VEPH1: variants seen among roughly 807,000 people sequenced by gnomAD.
VEPH1 encodes the protein ventricular zone expressed PH domain containing 1.
VEPH1 carries 80 observed loss-of-function variants against 85.2 expected under a neutral mutation model. The observed-to-expected ratio is 0.94, with a 90% CI of 0.78 to 1.13. The LOEUF (loss-of-function observed/expected upper bound fraction) is 1.13, where lower values mean the gene tolerates loss of function less well. Among genes scored for constraint, VEPH1 ranks in the 50% most tolerant of loss-of-function variants. VEPH1 has a pLI of 0.00. For missense variants in VEPH1, 955 were observed against 980.5 expected, an observed-to-expected ratio of 0.97 and a Z score of 0.35; for synonymous variants, 297 against 348.0, an observed-to-expected ratio of 0.85 and a Z score of 1.63.
intron 9 of VEPH1, among the ~76,000 whole-genome samples, chr3:157,345,735 G>A (rs1165694679): frequency 2.0e-5 from 3 of 152,190 alleles, no homozygotes; most frequent in Non-Finnish European, 2.9e-5. Context: ...GCACACGTAT[G>A]TTCATTGCGG....
intron 9 of VEPH1, among the ~76,000 whole-genome samples, chr3:157,338,519 A>G (rs187008890): frequency 4.0e-4 from 61 of 152,346 alleles, no homozygotes; most frequent in Non-Finnish European, 1.0e-4. Context: ...TTGGAAATCA[A>G]TTTTCACTAA....
intron 12 of VEPH1, among the ~76,000 whole-genome samples, chr3:157,282,611 C>T (rs1413318380): frequency 6.6e-6 from 1 of 152,136 alleles, no homozygotes; most frequent in Non-Finnish European, 1.5e-5. Context: ...GGTGTAAGAA[C>T]AAAGGCATCT....
intron 11 of VEPH1, among the ~76,000 whole-genome samples, chr3:157,290,676 AG>A (rs1717373716): frequency 6.6e-6 from 1 of 152,238 alleles, no homozygotes; most frequent in Non-Finnish European, 1.5e-5. Context: ...TGTAAAAAAA[AG>A]GATACATATT....
At chr3:157,290,465 G>A (rs372934930) in intron 11 of VEPH1, among the ~76,000 whole-genome samples, 2 of 152,208 alleles carry the variant, frequency 1.3e-5, no homozygotes, top group East Asian at 1.9e-4. Context: ...AATTTGTTAC[G>A]CATTATTGAA....
At position 157,261,277 on chromosome 3, in the gene VEPH1, C is replaced by T. The variant is rs747169090; in HGVS notation, c.2359G>A (p.Ala787Thr). ...TTATTGTCTGTGAAGATTTCGAAAG[C>T]CCGGGGGAGAGAGCGGTCCCTGCGT... ...KKRRDRSLPR[A>T]FEIFTDNKTY... Residue 787 changes from alanine to threonine, a missense_variant, in exon 14 of 14, where the codon GCT becomes ACT. Transcript: ENST00000362010. 1 of 1,613,716 alleles carries T rather than the reference C, an allele frequency of 6.2e-7. No homozygotes were observed. Among genetic ancestry groups the T allele is most frequent in the Non-Finnish European group, 8.5e-7 (1 of 1,179,800 alleles).
At chr3:157,279,827 C>A (rs1250128157) in intron 12 of VEPH1, among the ~76,000 whole-genome samples, 1 of 151,926 alleles carries the variant, frequency 6.6e-6, no homozygotes, top group Non-Finnish European at 1.5e-5. Context: ...ATCATCCTGG[C>A]CAACATGGTG....
At chr3:157,318,624 C>CA (rs1300574382) in intron 9 of VEPH1, among the ~76,000 whole-genome samples, 95 of 50,256 alleles carry the variant, frequency 1.9e-3, no homozygotes, top group South Asian at 0.01. Flanking sequence ...CAAAACAAAA[C>CA]AAAAAAAAAA....
At chr3:157,309,685 A>C (rs62281377) in intron 11 of VEPH1, among the ~76,000 whole-genome samples, 33,838 of 152,000 alleles carry the variant, frequency 0.22, 4,617 homozygotes, top group Admixed American at 0.41. Context: ...TTTTAGCATT[A>C]TATTACATAA....
intron 11 of VEPH1, among the ~76,000 whole-genome samples, chr3:157,308,205 T>C (rs758035485): frequency 2.0e-4 from 31 of 151,948 alleles, no homozygotes; most frequent in Admixed American, 3.9e-4. Context: ...TTAATCCTTA[T>C]ACTTAACTGC....
chr3:157,487,945 A>T (rs1461175358), intron 2 of VEPH1, among the ~76,000 whole-genome samples: 2 of 152,152 alleles, frequency 1.3e-5, no homozygotes, highest in African/African-American at 4.8e-5. Context: ...TTACACTGAA[A>T]AGTCAGAAAA....
chr3:157,399,922 A>G (rs1730683729), intron 6 of VEPH1, among the ~76,000 whole-genome samples: 1 of 152,228 alleles, frequency 6.6e-6, no homozygotes, highest in East Asian at 1.9e-4. Context: ...TACAAAAGTC[A>G]CTTTCTTCAA....
intron 3 of VEPH1, among the ~76,000 whole-genome samples, chr3:157,469,063 T>A (rs1227074506): frequency 6.6e-6 from 1 of 152,168 alleles, no homozygotes; most frequent in Non-Finnish European, 1.5e-5. Context: ...AGTGAAATAA[T>A]CTATGTTTCT....
chr3:157,478,035 C>A (rs917712375), intron 2 of VEPH1, among the ~76,000 whole-genome samples: 7 of 152,098 alleles, frequency 4.6e-5, no homozygotes, highest in African/African-American at 1.4e-4. Context: ...TGCCCAAATC[C>A]CCTCTCCAGG....
chr3:157,283,323 G>T (rs2108355527), intron 12 of VEPH1, among the ~76,000 whole-genome samples: 1 of 152,262 alleles, frequency 6.6e-6, no homozygotes, highest in African/African-American at 2.4e-5. Context: ...ATCTCTTTGT[G>T]TTTCAGTTTT....
intron 11 of VEPH1, among the ~76,000 whole-genome samples, chr3:157,291,146 G>T (rs1559929253): frequency 6.6e-6 from 1 of 152,112 alleles, no homozygotes; most frequent in Admixed American, 6.6e-5. Flanking sequence ...GTGTGCCTGT[G>T]GTTAATAGGA....
chr3:157,494,715 T>C (rs1840667), intron 2 of VEPH1, among the ~76,000 whole-genome samples: 97,540 of 151,896 alleles, frequency 0.64, 31,713 homozygotes, highest in African/African-American at 0.74. Context: ...CCTTATTAAG[T>C]CCTGGGCAAC....
At chr3:157,385,040 C>A (rs1729142731) in intron 6 of VEPH1, among the ~76,000 whole-genome samples, 1 of 152,118 alleles carries the variant, frequency 6.6e-6, no homozygotes, top group South Asian at 2.1e-4. Context: ...ATATTCTATA[C>A]TCTTTTCAGG....
chr3:157,271,151 C>T (rs1217025915), intron 12 of VEPH1, among the ~76,000 whole-genome samples: 1 of 152,118 alleles, frequency 6.6e-6, no homozygotes, highest in Non-Finnish European at 1.5e-5. Context: ...CAATTCAAGG[C>T]TTTCTAGGTG....
At chr3:157,459,441 G>A (rs1460846422) in intron 4 of VEPH1, 2 of 250,474 alleles carry the variant, frequency 8.0e-6, no homozygotes, top group Non-Finnish European at 1.3e-5. Context: ...TCATGTGGTG[G>A]GTTATGGCAG....
Sources: allele counts gnomAD v4.1 joint callset (sites outside exome capture counted in the v4.1 genomes callset), GRCh38; gene constraint gnomAD v4.1.1; transcripts MANE v1.5; gene names NCBI Gene and HGNC (gene_info 2026-07-23, HGNC 2026-07-21).